Variants in SKOR1 observed in about 807,000 individuals in gnomAD.
SKOR1 encodes the protein SKI family transcriptional corepressor 1, also known as LBX1 corepressor 1.
SKOR1 carries 38 observed loss-of-function variants against 72.4 expected under a neutral mutation model. That is an observed-to-expected ratio of 0.52 (90% confidence interval 0.40 to 0.69). The LOEUF (loss-of-function observed/expected upper bound fraction) is 0.69, where lower values mean the gene tolerates loss of function less well. Ranked by LOEUF, SKOR1 falls within the 30% of genes least tolerant of loss-of-function variation. The pLI is 0.00. For missense variants in SKOR1, 1,320 were observed against 1,343.2 expected, an observed-to-expected ratio of 0.98 and a Z score of 0.27; for synonymous variants, 642 against 599.4, an observed-to-expected ratio of 1.07 and a Z score of -1.04.
chr15:67,832,743 C>CAACATTGCGGCTCCT lies in SKOR1; in HGVS notation c.2737+62_2737+63insAACATTGCGGCTCCT. 1.5e-6 allele frequency: 2 copies of CAACATTGCGGCTCCT among 1,334,206 alleles called. No homozygotes were observed. Among genetic ancestry groups the CAACATTGCGGCTCCT allele is most frequent in the Non-Finnish European group, 2.2e-6 (2 of 929,732 alleles). 82.6% of individuals were successfully genotyped at this position (1,334,206 alleles called of 1,614,324 possible). A position where few individuals can be genotyped will look rare whatever the true frequency, so the allele number is the denominator to read the frequency against. ...TAACTGCCTCTCGTCTGGCAGGAGC[C>CAACATTGCGGCTCCT]GCAATGTTGGCTCAGTCATTTGGAT... is the stretch of plus-strand genomic sequence containing the variant. On this transcript the variant is annotated intron_variant, in intron 7 of 8. Transcript: ENST00000380035. This position sits in a 1 kb window ranked among gnomAD's most constrained non-coding sequence, Gnocchi z 4.5.
intron 5 of SKOR1, among the ~76,000 whole-genome samples, chr15:67,831,224 C>T (rs531424912): frequency 6.6e-6 from 1 of 152,322 alleles, no homozygotes; most frequent in Admixed American, 6.5e-5. Flanking sequence ...TGTGGACAAT[C>T]AGACAGGACA....
At position 67,832,341 on chromosome 15, in the gene SKOR1, T is replaced by C. The variant is rs769002519; in HGVS notation, c.2655T>C (p.Ser885=). 6.2e-7 allele frequency: 1 copy of C among 1,613,564 alleles called. No homozygotes were observed. ...LRKKLEREFQ[S]LKDNFQDQMK... is the part of the protein sequence containing the mutation. ...AGAAGCTGGAACGGGAATTTCAGAG[T>C]CTCAAAGGTACCCACTGCCATCCTG... Residue 885 remains serine (S), a synonymous_variant, in exon 6 of 9, where the codon AGT becomes AGC. Coordinates refer to ENST00000380035, the MANE Select transcript of SKOR1 (RefSeq NM_001365915.1). The surrounding 1 kb of genome is among the most constrained non-coding windows in gnomAD (Gnocchi z 4.5).
chr15:67,828,833 A>G (rs984021588), intron 2 of SKOR1, among the ~76,000 whole-genome samples: 3 of 152,294 alleles, frequency 2.0e-5, no homozygotes, highest in Non-Finnish European at 2.9e-5. Flanking sequence ...AACACGAATC[A>G]TTAACCGGAT....
Position 67,827,182 on chromosome 15 carries a change from G to A in SKOR1, c.1354G>A (p.Ala452Thr). ...CAGCCACTTGCCCCCGGGGGCAGGG[G>A]CGGGCCCGGGCGGCGGCGCCATGTT... ...GASHLPPGAG[A>T]GPGGGAMFWG... The change falls in exon 2 of 9, where the codon GCG becomes ACG. Residue 452 changes from alanine to threonine, a missense_variant. This residue lies in a region of SKOR1 where 1,099 missense variants were observed against 1,025.5 expected (regional missense o/e 1.07). Transcript: ENST00000380035. 7.2e-7 allele frequency: 1 copy of A among 1,383,812 alleles called. No individual in the cohort carries two copies. The highest frequency in any genetic ancestry group is 9.3e-7 in the Non-Finnish European group (1 of 1,077,822). The allele number at this position is 1,383,812 out of a possible 1,614,324, so 85.7% of individuals were successfully genotyped here.
intron 3 of SKOR1, among the ~76,000 whole-genome samples, chr15:67,829,840 C>T (rs999270577): frequency 1.3e-5 from 2 of 152,244 alleles, no homozygotes; most frequent in Non-Finnish European, 2.9e-5. Flanking sequence ...CAGCCTGGGC[C>T]GCGTTCTCAG....
rs1486480907 is a variant in SKOR1 at position 67,826,646 on chromosome 15, G to A, written c.818G>A (p.Gly273Asp). Residue 273 changes from glycine (G) to aspartate (D), a missense_variant, in exon 2 of 9, where the codon GGC becomes GAC. Gly to Asp is a moderately conservative substitution (Grantham distance 94, BLOSUM62 -1). Transcript: ENST00000380035. ...AWEDVKAMFN[G>D]GTRKRTFSLQ... ...GAGGACGTCAAGGCCATGTTTAATG[G>A]CGGCACGCGCAAGCGGACCTTCTCC... The A allele has an allele frequency of 6.2e-7, 1 of 1,609,736 alleles. No homozygotes were observed. The highest frequency in any genetic ancestry group is 1.1e-5 in the South Asian group (1 of 90,626).
Position 67,827,893 on chromosome 15 carries a change from C to A in SKOR1, c.2065C>A (p.Pro689Thr), listed in dbSNP as rs528772117. 4.4e-6 allele frequency: 7 copies of A among 1,600,090 alleles called. No individual in the cohort carries two copies. In the African/African-American group the frequency reaches 6.7e-5, roughly 15 times the overall value. ...CAGCGCACCCAGCGCAGGGGGCGGC[C>A]CAGACGGTGAACAGCCCACTGGACC... is the stretch of plus-strand genomic sequence containing the variant. ...EPSAPSAGGGPDGEQPTGPPS... is the reference protein window; with the variant it reads ...EPSAPSAGGGTDGEQPTGPPS... Residue 689 changes from proline (P) to threonine (T), a missense_variant, in exon 2 of 9, where the codon CCA (proline) becomes ACA (threonine). Coordinates refer to ENST00000380035, the MANE Select transcript of SKOR1 (RefSeq NM_001365915.1).
Position 67,825,645 on chromosome 15 carries a change from T to C in SKOR1, c.43T>C (p.Trp15Arg). 2.8e-6 allele frequency: 2 copies of C among 720,212 alleles called. No homozygotes were observed. The highest frequency in any genetic ancestry group is 5.2e-6 in the Non-Finnish European group (2 of 386,568). 44.6% of individuals were successfully genotyped at this position (720,212 alleles called of 1,614,324 possible). The change falls in exon 1 of 9, where the codon TGG becomes CGG. Residue 15 changes from tryptophan (W) to arginine (R), a missense_variant. Trp to Arg is a moderately radical substitution (Grantham distance 101). Transcript: ENST00000380035. This position sits in a 1 kb window ranked among gnomAD's most constrained non-coding sequence, Gnocchi z 5.6. ...CGLGQVTLRI[W>R]VSLPSQSENG... ...CCTTGGGCAAGTCACTCTGCGTATC[T>C]GGGTTTCACTTCCTTCCCAATCCGA...
chr15:67,831,664 A>C (rs747241353), intron 5 of SKOR1, among the ~76,000 whole-genome samples: 25 of 152,066 alleles, frequency 1.6e-4, no homozygotes, highest in Non-Finnish European at 3.5e-4. Flanking sequence ...GGTCTTGGGA[A>C]TTTGTGGCAG....
At chr15:67,831,604 T>C (rs1434226883) in intron 5 of SKOR1, among the ~76,000 whole-genome samples, 1 of 152,126 alleles carries the variant, frequency 6.6e-6, no homozygotes, top group African/African-American at 2.4e-5. Context: ...CTGAGGGCAC[T>C]AACAGAGGCC....
rs1007765543 is a variant in SKOR1, at chr15:67,825,875, C to T, written c.108-61C>T. 5.3e-6 allele frequency: 8 copies of T among 1,509,884 alleles called. No individual in the cohort carries two copies. Among genetic ancestry groups the T allele is most frequent in the Non-Finnish European group, 7.0e-6 (8 of 1,136,362 alleles). 93.5% of individuals were successfully genotyped at this position (1,509,884 alleles called of 1,614,324 possible). On this transcript the variant is annotated intron_variant, in intron 1 of 8. Coordinates refer to ENST00000380035, the MANE Select transcript of SKOR1 (RefSeq NM_001365915.1). This position sits in a 1 kb window ranked among gnomAD's most constrained non-coding sequence, Gnocchi z 5.6. ...ACTCGGAGCGCCCTGCTGGGCGGGCCCGAGCCTCGGCGGCGGCGCTGAAAA... is the reference window on the plus strand; with the variant it reads ...ACTCGGAGCGCCCTGCTGGGCGGGCTCGAGCCTCGGCGGCGGCGCTGAAAA...
chr15:67,833,810 T>C lies in SKOR1; in HGVS notation c.2872T>C (p.Ser958Pro). Residue 958 changes from serine to proline, a missense_variant, in exon 9 of 9, where the codon TCC becomes CCC. By Grantham distance (74) the Ser-to-Pro change is moderately conservative. Transcript: ENST00000380035. This position sits in a 1 kb window ranked among gnomAD's most constrained non-coding sequence, Gnocchi z 6.0. ...GCCCCGCCACTGCACTGGCAACTGC[T>C]CCTTCAAGCCACCGCTGTTGCCCTA... ...LTPRHCTGNC[S>P]FKPPLLP 6.2e-7 allele frequency: 1 copy of C among 1,612,072 alleles called. No individual in the cohort carries two copies. Among genetic ancestry groups the C allele is most frequent in the Non-Finnish European group, 8.5e-7 (1 of 1,179,998 alleles).
rs1489479506 is a variant in SKOR1, at chr15:67,829,202, G to A, written c.2340G>A (p.Glu780=). ...AGGTGTTCGCGCCCGAGAGGGATGA[G>A]CACGTGAAGAGCGCGGCGGTGGCGC... ...PAKVFAPERD[E]HVKSAAVALG... is the part of the protein sequence containing the mutation. Residue 780 remains glutamate, a synonymous_variant, in exon 3 of 9, where the codon GAG becomes GAA. Coordinates refer to ENST00000380035, the MANE Select transcript of SKOR1 (RefSeq NM_001365915.1). 5 of 1,573,860 alleles carry A rather than the reference G, an allele frequency of 3.2e-6. No individual in the cohort carries two copies. In the African/African-American group the frequency reaches 4.0e-5, roughly 13 times the overall value.
In SKOR1 at chr15:67,833,640, G is replaced by T; in HGVS notation, c.2804-102G>T. On this transcript the variant is annotated intron_variant, in intron 8 of 8. Transcript: ENST00000380035. The surrounding 1 kb of genome is among the most constrained non-coding windows in gnomAD (Gnocchi z 6.0). ...CTGATCCGCTCGGTTGAGATTCCCT[G>T]ACCCCAAAGGGTTGGTAAGGCCGGG... The T allele has an allele frequency of 8.1e-7, 1 of 1,239,264 alleles. No homozygotes were observed. The highest frequency in any genetic ancestry group is 1.2e-5 in the South Asian group (1 of 83,364). 76.8% of individuals were successfully genotyped at this position (1,239,264 alleles called of 1,614,324 possible).
rs1369353915 is a variant in SKOR1 at position 67,827,580 on chromosome 15, G to T, written c.1752G>T (p.Pro584=). ...CCCCGTTGCCCCCGCCGCCCCCGCCGCCCGCACGCAAAGGCTCCTACGTGT... is the reference window on the plus strand; with the variant it reads ...CCCCGTTGCCCCCGCCGCCCCCGCCTCCCGCACGCAAAGGCTCCTACGTGT... The part of the protein sequence containing the change: ...PLAPLPPPPP[P]PARKGSYVSA... Residue 584 remains proline, a synonymous_variant, in exon 2 of 9, where the codon CCG becomes CCT. Coordinates refer to ENST00000380035, the MANE Select transcript of SKOR1 (RefSeq NM_001365915.1). 2.6e-6 allele frequency: 4 copies of T among 1,519,044 alleles called. No homozygotes were observed. Among genetic ancestry groups the T allele is most frequent in the Admixed American group, 2.1e-5 (1 of 48,292 alleles). The allele number at this position is 1,519,044 out of a possible 1,614,324, so 94.1% of individuals were successfully genotyped here. A position where few individuals can be genotyped will look rare whatever the true frequency, so the allele number is the denominator to read the frequency against.
Position 67,830,313 on chromosome 15 carries a change from G to C in SKOR1, c.2515+15G>C, listed in dbSNP as rs1235410247. On this transcript the variant is annotated intron_variant, in intron 4 of 8. Transcript: ENST00000380035. The stretch of plus-strand genomic sequence containing the variant: ...TACAGACAGAGGTGAGCCAGCCCTT[G>C]AACCCATCGCTCTCCACCGCACCCA... 1 of 1,611,198 alleles carries C rather than the reference G, an allele frequency of 6.2e-7. No individual in the cohort carries two copies. The highest frequency in any genetic ancestry group is 1.1e-5 in the South Asian group (1 of 91,028).
chr15:67,831,244 C>T (rs62015252), intron 5 of SKOR1, among the ~76,000 whole-genome samples: 9,265 of 152,202 alleles, frequency 0.061, 662 homozygotes, highest in African/African-American at 0.18. Context: ...AGTCTGGGTC[C>T]GCTGAATTCA....
chr15:67,828,193 G>C, intron 2 of SKOR1, 49 bp downstream of exon 2: 1 of 1,381,076 alleles, frequency 7.2e-7, no homozygotes. Flanking sequence ...CCTACCCTGT[G>C]CGCGGCAGGG....
At position 67,825,974 on chromosome 15, in the gene SKOR1, C is replaced by T; in HGVS notation, c.146C>T (p.Pro49Leu). ...GMEALTTQLGPGREGSSSPNS... is the reference protein window; with the variant it reads ...GMEALTTQLGLGREGSSSPNS... ...GAGGCTCTCACCACTCAGCTGGGGC[C>T]GGGGCGCGAGGGCAGTTCCTCGCCC... The change falls in exon 2 of 9, where the codon CCG becomes CTG. Residue 49 changes from proline to leucine, a missense_variant. Physicochemically the swap from Pro to Leu is moderately conservative, Grantham distance 98. Coordinates refer to ENST00000380035, the MANE Select transcript of SKOR1 (RefSeq NM_001365915.1). This position sits in a 1 kb window ranked among gnomAD's most constrained non-coding sequence, Gnocchi z 5.6. 1 of 1,526,446 alleles carries T rather than the reference C, an allele frequency of 6.6e-7. No individual in the cohort carries two copies. Among genetic ancestry groups the T allele is most frequent in the Non-Finnish European group, 8.8e-7 (1 of 1,137,554 alleles). The allele number at this position is 1,526,446 out of a possible 1,614,324, so 94.6% of individuals were successfully genotyped here.
Sources: gnomAD v4.1 joint callset for allele counts (sites outside exome capture counted in the v4.1 genomes callset) on GRCh38, gnomAD v4.1.1 for gene constraint, gnomAD v4.1.1 regional missense constraint, Gnocchi (gnomAD v3.1) non-coding constraint, MANE v1.5 for transcripts, NCBI Gene and HGNC (gene_info 2026-07-23, HGNC 2026-07-21) for gene names.